CDH18: variants seen among roughly 807,000 people sequenced by gnomAD.
CDH18 encodes cadherin 18.
CDH18 carries 31 observed loss-of-function variants against 67.9 expected under a neutral mutation model. The observed-to-expected ratio is 0.46, with a 90% confidence interval of 0.34 to 0.62. The LOEUF is 0.62. Among genes scored for constraint, CDH18 ranks in the 20% least tolerant of loss-of-function variants. The pLI, the probability that CDH18 is intolerant of heterozygous loss-of-function variation, is 0.01. For synonymous variants in CDH18, 362 were observed against 347.2 expected (o/e 1.04, Z -0.48); for missense variants, 890 against 975.5 (o/e 0.91, Z 1.17).
Position 19,625,459 on chromosome 5 carries a change from C to CA in CDH18, c.644-12859dup, listed in dbSNP as rs201476178. Reference sequence around the variant, plus strand: ...TCAAATACCACAAACTGAGTGATTACAAAAAAAAAGCAAAAAAGTATTGTT... The same window carrying CA: ...TCAAATACCACAAACTGAGTGATTACAAAAAAAAAAGCAAAAAAGTATTGTT... On this transcript the variant is annotated intron_variant, in intron 5 of 12. Coordinates refer to ENST00000382275, the MANE Select transcript of CDH18 (RefSeq NM_004934.5). 7.5e-3 allele frequency among the ~76,000 whole-genome samples: 1,119 copies of CA among 148,876 alleles called. 11 individuals carry two copies. Among genetic ancestry groups the CA allele is most frequent in the Non-Finnish European group, 0.011 (736 of 67,204 alleles).
At chr5:20,293,791 T>C (rs1476971425) in intron 1 of CDH18, among the ~76,000 whole-genome samples, 3 of 152,220 alleles carry the variant, frequency 2.0e-5, no homozygotes, top group Admixed American at 2.0e-4. Flanking sequence ...TTTTCTATTA[T>C]ACAAATAGTG....
intron 2 of CDH18, among the ~76,000 whole-genome samples, chr5:20,020,987 CG>C (rs1052325420): frequency 9.9e-5 from 15 of 151,148 alleles, no homozygotes; most frequent in African/African-American, 3.7e-4. Flanking sequence ...GCAGAGCCAC[CG>C]GGGTGAAGGT....
At chr5:20,417,885 T>A (rs1350908463) in intron 1 of CDH18, among the ~76,000 whole-genome samples, 1 of 152,152 alleles carries the variant, frequency 6.6e-6, no homozygotes, top group African/African-American at 2.4e-5. Context: ...GTAATTAGAC[T>A]TTTCTGTAGT....
At chr5:20,185,364 C>A (rs1166590797) in intron 2 of CDH18, among the ~76,000 whole-genome samples, 1 of 151,982 alleles carries the variant, frequency 6.6e-6, no homozygotes, top group African/African-American at 2.4e-5. Flanking sequence ...TACAACACAG[C>A]ACTCACAAAA....
chr5:20,006,969 G>T (rs1167214594), intron 2 of CDH18, among the ~76,000 whole-genome samples: 1 of 151,658 alleles, frequency 6.6e-6, no homozygotes. Context: ...AATATTTTAA[G>T]AACTTTACAC....
Position 19,612,552 on chromosome 5 carries a change from A to G in CDH18, c.693T>C (p.His231=). 6.2e-7 allele frequency: 1 copy of G among 1,613,988 alleles called. No individual in the cohort carries two copies. The highest frequency in any genetic ancestry group is 8.5e-7 in the Non-Finnish European group (1 of 1,179,936). Residue 231 remains histidine, a synonymous_variant, in exon 6 of 13, where the codon CAT becomes CAC. Transcript: ENST00000382275. The stretch of plus-strand genomic sequence containing the variant: ...CTTTGGCTTGAATGACTACGGAGTA[A>G]TGTTCTCTGGCTTCTCTGTCCATGT... ...LHNMDREARE[H]YSVVIQAKDM...
intron 1 of CDH18, among the ~76,000 whole-genome samples, chr5:20,442,593 A>C (rs1019668883): frequency 6.6e-6 from 1 of 151,900 alleles, no homozygotes; most frequent in Non-Finnish European, 1.5e-5. Flanking sequence ...ACCTCCTCTG[A>C]AAGTGTCATT....
At chr5:20,081,671 T>C (rs1744488025) in intron 2 of CDH18, among the ~76,000 whole-genome samples, 1 of 152,138 alleles carries the variant, frequency 6.6e-6, no homozygotes, top group African/African-American at 2.4e-5. Flanking sequence ...GAGGCTATTA[T>C]GCTAACGATA....
intron 2 of CDH18, among the ~76,000 whole-genome samples, chr5:19,880,729 T>C (rs1374240989): frequency 6.6e-6 from 1 of 152,168 alleles, no homozygotes; most frequent in South Asian, 2.1e-4. Context: ...GTTCAAAGCA[T>C]GAAGGCATTT....
intron 2 of CDH18, among the ~76,000 whole-genome samples, chr5:20,227,284 T>G (rs986731813): frequency 6.6e-6 from 1 of 152,154 alleles, no homozygotes; most frequent in African/African-American, 2.4e-5. Flanking sequence ...AGTGTCATCT[T>G]GGTTCCCACA....
intron 1 of CDH18, among the ~76,000 whole-genome samples, chr5:20,574,468 A>G (rs1476545462): frequency 6.6e-6 from 1 of 152,046 alleles, no homozygotes; most frequent in African/African-American, 2.4e-5. Flanking sequence ...GGGGTAAAAT[A>G]TCTCTTAATT....
At chr5:19,552,031 T>C (rs1737540096) in intron 8 of CDH18, among the ~76,000 whole-genome samples, 2 of 152,150 alleles carry the variant, frequency 1.3e-5, no homozygotes, top group African/African-American at 4.8e-5. Flanking sequence ...TTCATGCAAC[T>C]GATAGTAGTC....
At chr5:19,645,217 C>A (rs775196104) in intron 5 of CDH18, among the ~76,000 whole-genome samples, 2 of 152,036 alleles carry the variant, frequency 1.3e-5, no homozygotes, top group Non-Finnish European at 2.9e-5. Flanking sequence ...GTAGTTGATT[C>A]AGTTTGAATA....
chr5:19,792,175 G>C (rs1297910161), intron 3 of CDH18, among the ~76,000 whole-genome samples: 11 of 152,048 alleles, frequency 7.2e-5, no homozygotes, highest in Non-Finnish European at 1.5e-5. Context: ...GAGTAAAAAA[G>C]ATCCCCCTCC....
chr5:20,504,751 CA>C (rs1754551273), intron 1 of CDH18, among the ~76,000 whole-genome samples: 1 of 139,626 alleles, frequency 7.2e-6, no homozygotes, highest in African/African-American at 2.6e-5. Flanking sequence ...AAAGTGAACA[CA>C]AAAGGGAATT....
chr5:20,533,604 T>C (rs2126562286), intron 1 of CDH18, among the ~76,000 whole-genome samples: 1 of 152,214 alleles, frequency 6.6e-6, no homozygotes, highest in South Asian at 2.1e-4. Context: ...CAAATAAGTG[T>C]ATTGCCTTCT....
In CDH18 at chr5:20,141,740, T is replaced by C. The variant is rs190579781; in HGVS notation, c.-518+113704A>G. Among the ~76,000 whole-genome samples the C allele has an allele frequency of 1.4e-3, 207 of 152,136 alleles. 1 individual carries two copies. Among genetic ancestry groups the C allele is most frequent in the African/African-American group, 4.7e-3 (194 of 41,516 alleles). On this transcript the variant is annotated intron_variant, in intron 2 of 14. Coordinates refer to the CDH18 transcript ENST00000507958. ...CATGACTTGGCAGGGAAAGAGTTATTATAGTAAAAATAAAAGTCAGATAAC... is the reference window on the plus strand; with the variant it reads ...CATGACTTGGCAGGGAAAGAGTTATCATAGTAAAAATAAAAGTCAGATAAC...
intron 2 of CDH18, among the ~76,000 whole-genome samples, chr5:20,008,987 G>T (rs562556112): frequency 1.3e-5 from 2 of 152,204 alleles, no homozygotes; most frequent in African/African-American, 2.4e-5. Context: ...TTCCTGGTGG[G>T]CTATGTTATG....
At chr5:20,024,633 C>A (rs891317828) in intron 2 of CDH18, among the ~76,000 whole-genome samples, 1 of 152,136 alleles carries the variant, frequency 6.6e-6, no homozygotes, top group Non-Finnish European at 1.5e-5. Flanking sequence ...TTTGGAATGA[C>A]ATGCACTACT....
Sources: gnomAD v4.1 joint callset for allele counts (sites outside exome capture counted in the v4.1 genomes callset) on GRCh38, gnomAD v4.1.1 for gene constraint, MANE v1.5 for transcripts, NCBI Gene and HGNC (gene_info 2026-07-23, HGNC 2026-07-21) for gene names.